The following EGF variants were observed in gnomAD, a reference collection of about 807,000 sequenced individuals.
EGF encodes the protein epidermal growth factor, also known as pro-epidermal growth factor.
A neutral mutation model predicts 143.8 loss-of-function variants in EGF; 95 were observed. That is an observed-to-expected ratio of 0.66 (90% CI 0.56 to 0.78). EGF has a LOEUF of 0.78. Among genes scored for constraint, EGF ranks in the 30% least tolerant of loss-of-function variants. The pLI, the probability that EGF is intolerant of heterozygous loss-of-function variation, is 0.00. For missense variants in EGF, 1,320 were observed against 1,470.9 expected, an observed-to-expected ratio of 0.90 and a Z score of 1.68; for synonymous variants, 510 against 510.5, an observed-to-expected ratio of 1.00 and a Z score of 0.01.
In EGF at chr4:109,980,896, G is replaced by T. The variant is rs922585218; in HGVS notation, c.2292G>T (p.Trp764Cys). 1.1e-5 allele frequency: 18 copies of T among 1,613,992 alleles called. No homozygotes were observed. The Admixed American group carries it at 3.0e-4, about 27-fold the overall frequency. ...GCAAAAAGAGGCTTGGAACTGCTTG[G>T]TGTTCGTGTCGTGAAGGTTTTATGA... ...HICKKRLGTA[W>C]CSCREGFMKA... Residue 764 changes from tryptophan to cysteine, a missense_variant, in exon 15 of 24, where the codon TGG becomes TGT. Around this residue, in one of 5 missense-constraint regions of EGF, gnomAD observed 1,186 missense variants for 1,313.7 expected, o/e 0.90. Transcript: ENST00000265171.
chr4:109,968,693 T>TATC (rs1747028362), intron 10 of EGF: 1 of 418,452 alleles, frequency 2.4e-6, no homozygotes, highest in African/African-American at 2.1e-5. Context: ...TCTATCTATC[T>TATC]ATCTATCTAT....
chr4:109,938,587 G>T (rs1238502508), intron 1 of EGF, among the ~76,000 whole-genome samples: 1 of 152,202 alleles, frequency 6.6e-6, no homozygotes. Context: ...CTTTGGAAAA[G>T]AAGAGGCAAT....
intron 1 of EGF, among the ~76,000 whole-genome samples, chr4:109,936,006 C>A (rs1255805383): frequency 6.6e-6 from 1 of 151,834 alleles, no homozygotes; most frequent in Non-Finnish European, 1.5e-5. Context: ...CTAAAATTCT[C>A]TTTTTTTTGT....
rs142267084 is a variant in EGF, at chr4:109,976,073, C to T, written c.1891C>T (p.Leu631Phe). ...PRIESSSLQG[L>F]GRLVIASSDL... ...AATTGAAAGTTCTTCCCTCCAAGGC[C>T]TTGGCCGTCTGGTTATAGCCAGCTC... The change falls in exon 13 of 24, where the codon CTT becomes TTT. Residue 631 changes from leucine to phenylalanine, a missense_variant. Coordinates refer to ENST00000265171, the MANE Select transcript of EGF (RefSeq NM_001963.6). 134 of 1,613,962 alleles carry T rather than the reference C, an allele frequency of 8.3e-5. No individual in the cohort carries two copies. The African/African-American group carries it at 1.6e-3, about 19-fold the overall frequency.
intron 1 of EGF, among the ~76,000 whole-genome samples, chr4:109,921,385 T>C (rs574857831): frequency 2.0e-5 from 3 of 151,558 alleles, no homozygotes; most frequent in African/African-American, 7.3e-5. Flanking sequence ...CTTGATTTTC[T>C]GATTCTCCCA....
intron 5 of EGF, among the ~76,000 whole-genome samples, chr4:109,953,272 G>A (rs936460847): frequency 4.6e-5 from 7 of 152,188 alleles, no homozygotes; most frequent in Admixed American, 4.6e-4. Flanking sequence ...TCCAGCCACT[G>A]CAAGTTCCCC....
intron 1 of EGF, among the ~76,000 whole-genome samples, chr4:109,938,479 A>G (rs747510698): frequency 7.9e-5 from 12 of 151,978 alleles, no homozygotes; most frequent in South Asian, 2.1e-4. Flanking sequence ...TAGCTCGGAG[A>G]AGTTTGTTAT....
At chr4:109,955,574 G>A (rs548088058) in intron 5 of EGF, among the ~76,000 whole-genome samples, 2 of 152,316 alleles carry the variant, frequency 1.3e-5, no homozygotes, top group African/African-American at 4.8e-5. Flanking sequence ...AAGAGTGATT[G>A]TGTATTGTTA....
intron 1 of EGF, among the ~76,000 whole-genome samples, chr4:109,927,264 G>A (rs1387269263): frequency 6.6e-6 from 1 of 152,158 alleles, no homozygotes; most frequent in African/African-American, 2.4e-5. Context: ...TAAAAAAGCT[G>A]TCAAAAACCA....
At position 110,011,259 on chromosome 4, in the gene EGF, A is replaced by G; in HGVS notation, c.3428A>G (p.Glu1143Gly). Residue 1143 changes from glutamate (E) to glycine (G), a missense_variant, in exon 24 of 24, where the codon GAG becomes GGG. By Grantham distance (98) the Glu-to-Gly change is moderately conservative (BLOSUM62 -2). Transcript: ENST00000265171. Reference protein sequence around the residue: ...QEPQLCGMGTEQGCWIPVSSD... With the variant: ...QEPQLCGMGTGQGCWIPVSSD... Reference sequence around the variant, plus strand: ...CCCCAGTTATGTGGAATGGGCACAGAGCAAGGCTGCTGGATTCCAGTATCC... The same window carrying G: ...CCCCAGTTATGTGGAATGGGCACAGGGCAAGGCTGCTGGATTCCAGTATCC... The G allele has an allele frequency of 6.2e-7, 1 of 1,614,190 alleles. No homozygotes were observed. Among genetic ancestry groups the G allele is most frequent in the Non-Finnish European group, 8.5e-7 (1 of 1,180,032 alleles).
At chr4:109,942,462 T>C (rs1265635317) in intron 2 of EGF, among the ~76,000 whole-genome samples, 1 of 152,248 alleles carries the variant, frequency 6.6e-6, no homozygotes, top group Non-Finnish European at 1.5e-5. Context: ...TATGAGATTA[T>C]GCAATTTCAG....
intron 11 of EGF, among the ~76,000 whole-genome samples, chr4:109,970,772 C>T (rs936700856): frequency 7.3e-6 from 1 of 136,592 alleles, no homozygotes; most frequent in Non-Finnish European, 1.5e-5. Flanking sequence ...TTGCAGTGAG[C>T]GGAGATCGCA....
At chr4:109,927,640 C>T (rs963345157) in intron 1 of EGF, among the ~76,000 whole-genome samples, 1 of 150,466 alleles carries the variant, frequency 6.6e-6, no homozygotes, top group Non-Finnish European at 1.5e-5. Context: ...AGGAGAATAG[C>T]GCGAACCCGG....
chr4:109,920,841 A>C (rs941586100), intron 1 of EGF, among the ~76,000 whole-genome samples: 3 of 151,642 alleles, frequency 2.0e-5, no homozygotes, highest in Non-Finnish European at 4.4e-5. Context: ...TTCACCATGA[A>C]GGAAGTATTG....
chr4:109,954,604 C>A (rs1408954789), intron 5 of EGF, among the ~76,000 whole-genome samples: 3 of 152,014 alleles, frequency 2.0e-5, no homozygotes, highest in Non-Finnish European at 4.4e-5. Flanking sequence ...TTGAGGCAGT[C>A]ATTATTGAGA....
intron 13 of EGF, 125 bp from the exon 14 acceptor site, chr4:109,979,847 C>A: frequency 8.6e-7 from 1 of 1,167,618 alleles, no homozygotes; most frequent in Non-Finnish European, 1.2e-6. Context: ...TCACTCATAA[C>A]TTGCTGAGTA....
Position 109,944,309 on chromosome 4 carries a change from A to G in EGF, c.737+240A>G, listed in dbSNP as rs11568904. Reference sequence around the variant, plus strand: ...AAAAAATTAGCCGGGCGTGGTGGCGAGCACCTGTAGTCCCAGCTATTCGGG... The same window carrying G: ...AAAAAATTAGCCGGGCGTGGTGGCGGGCACCTGTAGTCCCAGCTATTCGGG... On this transcript the variant is annotated intron_variant, in intron 4 of 23. Coordinates refer to ENST00000265171, the MANE Select transcript of EGF (RefSeq NM_001963.6). Among the ~76,000 whole-genome samples, 82,474 of 151,288 alleles carry G rather than the reference A, an allele frequency of 0.55. 25,334 individuals carry two copies. The highest frequency in any genetic ancestry group is 0.83 in the African/African-American group (34,132 of 40,928).
At chr4:109,932,674 G>A (rs1308580893) in intron 1 of EGF, among the ~76,000 whole-genome samples, 2 of 151,720 alleles carry the variant, frequency 1.3e-5, no homozygotes, top group East Asian at 1.9e-4. Flanking sequence ...GAGCCACCGC[G>A]CCTGGCCCAA....
At position 109,953,141 on chromosome 4, in the gene EGF, G is replaced by A. The variant is rs75166433; in HGVS notation, c.941-6171G>A. On this transcript the variant is annotated intron_variant, in intron 5 of 23. Coordinates refer to ENST00000265171, the MANE Select transcript of EGF (RefSeq NM_001963.6). ...TTGTTTTCAAGAATGCTTTATGGGT[G>A]GCACTGCAGGTGGTTCTGTAAGCTT... is the stretch of plus-strand genomic sequence containing the variant. Among the ~76,000 whole-genome samples the A allele has an allele frequency of 2.6e-3, 391 of 152,268 alleles. 2 individuals carry two copies. The highest frequency in any genetic ancestry group is 8.7e-3 in the African/African-American group (360 of 41,542).
Sources: gnomAD v4.1 joint callset for allele counts (sites outside exome capture counted in the v4.1 genomes callset) on GRCh38, gnomAD v4.1.1 for gene constraint, gnomAD v4.1.1 regional missense constraint, MANE v1.5 for transcripts, NCBI Gene and HGNC (gene_info 2026-07-23, HGNC 2026-07-21) for gene names.